EXOC6B: variants seen among roughly 807,000 people sequenced by gnomAD.
The protein encoded by EXOC6B is exocyst complex component 6B, also known as SEC15 homolog B.
EXOC6B carries 54 observed loss-of-function variants against 113.5 expected under a neutral mutation model. The ratio of observed to expected loss-of-function variants is 0.48; its 90% CI spans 0.38 to 0.60. The LOEUF (loss-of-function observed/expected upper bound fraction) is 0.60. Ranked by LOEUF, EXOC6B falls within the 20% of genes least tolerant of loss-of-function variation. The pLI is 0.00. For synonymous variants in EXOC6B, 357 were observed against 339.0 expected (o/e 1.05, Z -0.58); for missense variants, 797 against 977.5 (o/e 0.82, Z 2.46).
intron 20 of EXOC6B, among the ~76,000 whole-genome samples, chr2:72,318,221 G>A (rs560350160): frequency 7.2e-5 from 11 of 152,112 alleles, no homozygotes; most frequent in South Asian, 2.1e-4. Context: ...ATTAAAAACC[G>A]AAATAAAACT....
intron 6 of EXOC6B, among the ~76,000 whole-genome samples, chr2:72,619,179 CAGAGAGAGAGAGAG>C (rs139874004): frequency 5.5e-5 from 8 of 145,824 alleles, no homozygotes; most frequent in African/African-American, 2.0e-4. Flanking sequence ...AATACACAGC[CAGAGAGAGAGAGAG>C]AGAGAGAGAG....
intron 19 of EXOC6B, among the ~76,000 whole-genome samples, chr2:72,363,284 T>C (rs1690431206): frequency 6.6e-6 from 1 of 152,006 alleles, no homozygotes; most frequent in African/African-American, 2.4e-5. Flanking sequence ...TCAGCAAGAA[T>C]TACCTAACAA....
chr2:72,300,595 T>G (rs1558536019), intron 20 of EXOC6B, among the ~76,000 whole-genome samples: 2 of 152,186 alleles, frequency 1.3e-5, no homozygotes, highest in African/African-American at 4.8e-5. Context: ...GCAGCTAGTT[T>G]GATGTCTGCC....
intron 18 of EXOC6B, among the ~76,000 whole-genome samples, chr2:72,429,915 A>G (rs1695424826): frequency 6.6e-6 from 1 of 152,212 alleles, no homozygotes; most frequent in African/African-American, 2.4e-5. Context: ...TTTAACAAAT[A>G]TTTCTTGGAT....
At chr2:72,590,366 C>T (rs973598579) in intron 6 of EXOC6B, among the ~76,000 whole-genome samples, 1 of 151,310 alleles carries the variant, frequency 6.6e-6, no homozygotes, top group African/African-American at 2.4e-5. Flanking sequence ...GTTCACACTC[C>T]AAGAGTATTT....
rs993265454 is a variant in EXOC6B, at chr2:72,370,198, G to A, written c.2122+9531C>T. Among the ~76,000 whole-genome samples the A allele has an allele frequency of 9.6e-4, 146 of 152,062 alleles. 1 individual carries two copies. Among genetic ancestry groups the A allele is most frequent in the Admixed American group, 5.7e-3 (87 of 15,250 alleles). On this transcript the variant is annotated intron_variant, in intron 19 of 21. Coordinates refer to ENST00000272427, the MANE Select transcript of EXOC6B (RefSeq NM_015189.3). The stretch of plus-strand genomic sequence containing the variant: ...CAAACAACCCCTTCAAAAAGTGGGC[G>A]AAGGATATGAACAGACACTTCTCAA...
chr2:72,623,321 G>C (rs1322734513), intron 6 of EXOC6B, among the ~76,000 whole-genome samples: 1 of 152,092 alleles, frequency 6.6e-6, no homozygotes, highest in Non-Finnish European at 1.5e-5. Flanking sequence ...TAGAGGGCTA[G>C]AGATACATTG....
chr2:72,438,358 C>A (rs1696004124), intron 18 of EXOC6B, among the ~76,000 whole-genome samples: 1 of 151,932 alleles, frequency 6.6e-6, no homozygotes, highest in Admixed American at 6.6e-5. Flanking sequence ...CACATCATCC[C>A]AGTGCTCTGG....
chr2:72,695,077 C>T (rs1459969504), intron 6 of EXOC6B, among the ~76,000 whole-genome samples: 1 of 152,170 alleles, frequency 6.6e-6, no homozygotes, highest in African/African-American at 2.4e-5. Context: ...AGGCACACTG[C>T]CAACCAGGGG....
intron 19 of EXOC6B, among the ~76,000 whole-genome samples, chr2:72,343,442 AAG>A (rs1249554645): frequency 6.6e-6 from 1 of 152,196 alleles, no homozygotes; most frequent in African/African-American, 2.4e-5. Context: ...ACAAAACAAA[AAG>A]AAGTTGCCAA....
chr2:72,824,215 A>C (rs547380677), intron 1 of EXOC6B, among the ~76,000 whole-genome samples: 1 of 151,964 alleles, frequency 6.6e-6, no homozygotes, highest in Non-Finnish European at 1.5e-5. Context: ...GCAAAATCCC[A>C]TCTCTACAAA....
intron 6 of EXOC6B, among the ~76,000 whole-genome samples, chr2:72,585,394 T>C (rs1467850201): frequency 2.0e-5 from 3 of 152,040 alleles, no homozygotes; most frequent in Admixed American, 1.3e-4. Context: ...GGTCAGGAGT[T>C]TGAGACCAGC....
rs548084071 is a variant in EXOC6B, at chr2:72,379,885, T to A, written c.1981-15A>T. On this transcript the variant is annotated splice_polypyrimidine_tract_variant and intron_variant, in intron 18 of 21. Coordinates refer to ENST00000272427, the MANE Select transcript of EXOC6B (RefSeq NM_015189.3). ...GCCACCTTTCCCTGAAACACAAGAG[T>A]GTAAATCATAAAGTTAATGCATCTA... 1.9e-6 allele frequency: 3 copies of A among 1,583,942 alleles called. No individual in the cohort carries two copies. Among genetic ancestry groups the A allele is most frequent in the Non-Finnish European group, 2.6e-6 (3 of 1,164,464 alleles).
At chr2:72,625,260 T>A (rs1297929616) in intron 6 of EXOC6B, among the ~76,000 whole-genome samples, 1 of 151,174 alleles carries the variant, frequency 6.6e-6, no homozygotes, top group East Asian at 1.9e-4. Context: ...TATGTATATG[T>A]GTATATATAT....
At chr2:72,253,867 A>G (rs1227321527) in intron 20 of EXOC6B, among the ~76,000 whole-genome samples, 2 of 152,190 alleles carry the variant, frequency 1.3e-5, no homozygotes, top group Non-Finnish European at 2.9e-5. Flanking sequence ...TAAAAGAAAA[A>G]AAGATATGTT....
chr2:72,205,364 GA>G (rs34311680), intron 20 of EXOC6B, among the ~76,000 whole-genome samples: 95 of 141,062 alleles, frequency 6.7e-4, no homozygotes, highest in East Asian at 4.7e-3. Context: ...GCTTAAAGTA[GA>G]AAAAAAAAAA....
chr2:72,820,295 CA>C (rs918202916), intron 1 of EXOC6B, among the ~76,000 whole-genome samples: 25 of 151,914 alleles, frequency 1.6e-4, no homozygotes, highest in Admixed American at 1.0e-3. Flanking sequence ...GGAAAAGCAC[CA>C]AAACAACAGC....
intron 8 of EXOC6B, among the ~76,000 whole-genome samples, chr2:72,526,977 A>T (rs1701773249): frequency 6.6e-6 from 1 of 151,988 alleles, no homozygotes; most frequent in South Asian, 2.1e-4. Context: ...CACATCCAGG[A>T]AACTGATATT....
chr2:72,645,742 A>G (rs1339733207), intron 6 of EXOC6B, among the ~76,000 whole-genome samples: 3 of 152,236 alleles, frequency 2.0e-5, no homozygotes, highest in African/African-American at 7.2e-5. Context: ...TTTGAAACCA[A>G]TGAGAACAAA....
Sources: allele counts gnomAD v4.1 joint callset (sites outside exome capture counted in the v4.1 genomes callset), GRCh38; gene constraint gnomAD v4.1.1; transcripts MANE v1.5; gene names NCBI Gene and HGNC (gene_info 2026-07-23, HGNC 2026-07-21).